Variants in ADAM12 observed in about 807,000 individuals in gnomAD.
ADAM12 encodes ADAM metallopeptidase domain 12.
In ADAM12, 70 loss-of-function variants were observed where a neutral mutation model predicts 106.4. The observed-to-expected ratio is 0.66, with a 90% CI of 0.54 to 0.80. ADAM12 has a LOEUF of 0.80. Ranked by LOEUF, ADAM12 falls within the 30% of genes least tolerant of loss-of-function variation. ADAM12 has a pLI of 0.00. For missense variants in ADAM12, 1,010 were observed against 1,171.9 expected, an observed-to-expected ratio of 0.86 and a Z score of 2.02; for synonymous variants, 420 against 433.5, an observed-to-expected ratio of 0.97 and a Z score of 0.39.
chr10:126,202,499 T>TTCTCTC (rs139026512), intron 3 of ADAM12, among the ~76,000 whole-genome samples: 1 of 149,546 alleles, frequency 6.7e-6, no homozygotes, highest in South Asian at 2.1e-4. Context: ...GCTCTACTAC[T>TTCTCTC]TCTCTCTCTC....
intron 21 of ADAM12, among the ~76,000 whole-genome samples, chr10:126,020,992 C>CA (rs3067295): frequency 0.25 from 24,556 of 98,122 alleles, 3,782 homozygotes; most frequent in Non-Finnish European, 0.34. Flanking sequence ...GACTCTGTCT[C>CA]AAAAAAAAAA....
intron 1 of ADAM12, among the ~76,000 whole-genome samples, chr10:126,345,011 T>C (rs1467354248): frequency 6.6e-6 from 1 of 152,184 alleles, no homozygotes; most frequent in Non-Finnish European, 1.5e-5. Context: ...TGAATACCCT[T>C]TATTTCTTTC....
At chr10:126,314,463 G>C (rs184861745) in intron 2 of ADAM12, among the ~76,000 whole-genome samples, 1 of 152,232 alleles carries the variant, frequency 6.6e-6, no homozygotes, top group African/African-American at 2.4e-5. Context: ...CCTCAATGGG[G>C]CCACACATTA....
chr10:126,223,683 G>C (rs868204124), intron 3 of ADAM12, among the ~76,000 whole-genome samples: 2 of 152,158 alleles, frequency 1.3e-5, no homozygotes, highest in Non-Finnish European at 2.9e-5. Flanking sequence ...GACGTGGGCC[G>C]ATGCCAGGCT....
chr10:126,089,936 C>T (rs537122326), intron 11 of ADAM12, among the ~76,000 whole-genome samples: 2 of 152,242 alleles, frequency 1.3e-5, no homozygotes, highest in South Asian at 4.1e-4. Flanking sequence ...TCCTTCCAAC[C>T]TGCAATTTAT....
intron 12 of ADAM12, among the ~76,000 whole-genome samples, chr10:126,070,791 T>C (rs935930217): frequency 3.3e-5 from 5 of 152,206 alleles, no homozygotes; most frequent in African/African-American, 1.2e-4. Flanking sequence ...CTAGGAGGTC[T>C]CATGCTGTCT....
intron 18 of ADAM12, chr10:126,041,646 T>C (rs1281872413): frequency 2.3e-5 from 23 of 988,252 alleles, no homozygotes; most frequent in Non-Finnish European, 2.4e-5. Flanking sequence ...ACTAAAACCC[T>C]GCTATTTTCA....
chr10:126,107,904 G>A lies in ADAM12; in HGVS notation c.741+689C>T, dbSNP rs1955803517. ...AACATCCTCTCCAGCAGGATACACT[G>A]AGGAAGGACAGGTGGTTTAGACAGA... On this transcript the variant is annotated intron_variant, in intron 8 of 22. Coordinates refer to ENST00000448723, the MANE Select transcript of ADAM12 (RefSeq NM_001288973.2). Among the ~76,000 whole-genome samples, 3 of 152,206 alleles carry A rather than the reference G, an allele frequency of 2.0e-5. No homozygotes were observed. In the South Asian group the frequency reaches 6.2e-4, roughly 32 times the overall value.
chr10:126,285,234 G>A (rs1363027685), intron 2 of ADAM12, among the ~76,000 whole-genome samples: 1 of 152,240 alleles, frequency 6.6e-6, no homozygotes, highest in Non-Finnish European at 1.5e-5. Flanking sequence ...TTATAATTTG[G>A]AGGCAAGCTC....
intron 12 of ADAM12, among the ~76,000 whole-genome samples, chr10:126,069,156 A>G (rs1443822018): frequency 1.3e-5 from 2 of 152,232 alleles, no homozygotes; most frequent in Non-Finnish European, 2.9e-5. Flanking sequence ...CTTTTTGCCT[A>G]AAATTCTTAG....
intron 5 of ADAM12, among the ~76,000 whole-genome samples, chr10:126,121,432 TATATTGC>T (rs1956110418): frequency 1.5e-5 from 2 of 132,418 alleles, no homozygotes; most frequent in Admixed American, 8.2e-5. Context: ...CAATATATTA[TATATTGC>T]ATATTATATA....
chr10:126,201,287 TG>T (rs1301996372), intron 3 of ADAM12, among the ~76,000 whole-genome samples: 1 of 152,076 alleles, frequency 6.6e-6, no homozygotes, highest in Non-Finnish European at 1.5e-5. Flanking sequence ...TGGAGTAGTG[TG>T]GGCCTTACAA....
chr10:126,328,437 G>T (rs1413829281), intron 2 of ADAM12, among the ~76,000 whole-genome samples: 2 of 152,148 alleles, frequency 1.3e-5, no homozygotes, highest in African/African-American at 4.8e-5. Flanking sequence ...TGGTAATGAG[G>T]ACAGATACAC....
intron 11 of ADAM12, among the ~76,000 whole-genome samples, chr10:126,074,388 C>T (rs1160264926): frequency 6.8e-6 from 1 of 146,632 alleles, no homozygotes; most frequent in African/African-American, 2.4e-5. Context: ...CCTTCCCCAT[C>T]TCATTCCTTT....
At chr10:126,329,902 A>T (rs1287089926) in intron 2 of ADAM12, among the ~76,000 whole-genome samples, 1 of 152,230 alleles carries the variant, frequency 6.6e-6, no homozygotes, top group Non-Finnish European at 1.5e-5. Context: ...GATAAAACGC[A>T]CCAAGATATT....
intron 3 of ADAM12, among the ~76,000 whole-genome samples, chr10:126,247,010 T>C (rs1366555671): frequency 1.3e-5 from 2 of 152,198 alleles, no homozygotes; most frequent in Non-Finnish European, 2.9e-5. Flanking sequence ...GCCCAAAAGT[T>C]GCTTAAACTT....
At chr10:126,165,621 A>T in intron 3 of ADAM12, among the ~76,000 whole-genome samples, 1 of 152,166 alleles carries the variant, frequency 6.6e-6, no homozygotes. Flanking sequence ...ACTTGACTCT[A>T]TTTAGCTCCA....
intron 3 of ADAM12, among the ~76,000 whole-genome samples, chr10:126,262,596 C>T (rs971972462): frequency 1.3e-5 from 2 of 152,142 alleles, no homozygotes; most frequent in African/African-American, 4.8e-5. Context: ...CTACAGTGAA[C>T]ACATAAAAGA....
In ADAM12 at chr10:126,350,531, C is replaced by A. The variant is rs1855312749; in HGVS notation, c.89-20022G>T. 2.0e-5 allele frequency among the ~76,000 whole-genome samples: 3 copies of A among 152,208 alleles called. No individual in the cohort carries two copies. The South Asian group carries it at 6.2e-4, about 31-fold the overall frequency. ...ACTCACCTGGCCCTGTCAACTCCAT[C>A]ATTCTAGGAAGTTCCTGCTCCAGAG... On this transcript the variant is annotated intron_variant, in intron 1 of 22. Coordinates refer to ENST00000448723, the MANE Select transcript of ADAM12 (RefSeq NM_001288973.2).
Sources: gnomAD v4.1 joint callset for allele counts (sites outside exome capture counted in the v4.1 genomes callset) on GRCh38, gnomAD v4.1.1 for gene constraint, MANE v1.5 for transcripts, NCBI Gene and HGNC (gene_info 2026-07-23, HGNC 2026-07-21) for gene names.